The following KCNAB1 variants were observed in gnomAD, a reference collection of about 807,000 sequenced individuals.
The protein encoded by KCNAB1 is voltage-gated potassium channel subunit beta-1.
KCNAB1 carries 35 observed loss-of-function variants against 64.6 expected under a neutral mutation model. The ratio of observed to expected loss-of-function variants is 0.54; its 90% CI spans 0.41 to 0.72. KCNAB1 has a LOEUF of 0.72. KCNAB1 is among the 30% of genes least tolerant of loss of function. KCNAB1 has a pLI of 0.00. For missense variants in KCNAB1, 401 were observed against 512.9 expected (o/e 0.78, Z 2.11); for synonymous variants, 177 against 183.8 (o/e 0.96, Z 0.30).
intron 1 of KCNAB1, among the ~76,000 whole-genome samples, chr3:156,263,784 T>G (rs952555334): frequency 6.6e-6 from 1 of 152,138 alleles, no homozygotes; most frequent in Non-Finnish European, 1.5e-5. Context: ...GTAAATGATA[T>G]GTAAATAGTT....
chr3:156,437,503 G>A (rs1228543761), intron 2 of KCNAB1, among the ~76,000 whole-genome samples: 1 of 152,152 alleles, frequency 6.6e-6, no homozygotes, highest in Non-Finnish European at 1.5e-5. Flanking sequence ...CATGGCACCA[G>A]TGGGAGAAAT....
chr3:156,385,855 G>A (rs1333826095), intron 1 of KCNAB1, among the ~76,000 whole-genome samples: 1 of 152,002 alleles, frequency 6.6e-6, no homozygotes, highest in Non-Finnish European at 1.5e-5. Context: ...TCTGCAGATT[G>A]GATTTCAATT....
Position 156,249,024 on chromosome 3 carries a change from TTG to T in KCNAB1, c.275+128142_275+128143del, listed in dbSNP as rs202047577. Among the ~76,000 whole-genome samples the T allele has an allele frequency of 1.9e-3, 192 of 99,202 alleles. 1 individual carries two copies. The highest frequency in any genetic ancestry group is 8.5e-3 in the East Asian group (20 of 2,356). The allele number at this position is 99,202 out of a possible 152,430, so 65.1% of individuals were successfully genotyped here. A position where few individuals can be genotyped will look rare whatever the true frequency, so the allele number is the denominator to read the frequency against. On this transcript the variant is annotated intron_variant, in intron 1 of 13. Coordinates refer to ENST00000490337, the MANE Select transcript of KCNAB1 (RefSeq NM_172160.3). The stretch of plus-strand genomic sequence containing the variant: ...CTTGGAGATTTCGATAGAAATCTGG[TTG>T]TGTTTTTTTTTTTAATTTTTTAATT...
intron 1 of KCNAB1, among the ~76,000 whole-genome samples, chr3:156,343,559 T>C (rs1372593892): frequency 2.6e-5 from 4 of 152,190 alleles, no homozygotes; most frequent in Non-Finnish European, 4.4e-5. Context: ...CCTCCGCAGC[T>C]TGTGGGAGGG....
intron 1 of KCNAB1, among the ~76,000 whole-genome samples, chr3:156,126,641 T>G (rs1713671248): frequency 6.6e-6 from 1 of 152,214 alleles, no homozygotes; most frequent in South Asian, 2.1e-4. Context: ...CTTACTAGCC[T>G]GGAGGCTCTG....
intron 1 of KCNAB1, among the ~76,000 whole-genome samples, chr3:156,189,925 A>G (rs1412102471): frequency 6.6e-6 from 1 of 152,328 alleles, no homozygotes; most frequent in Middle Eastern, 3.4e-3. Flanking sequence ...TCTGATACCC[A>G]TGCTGAATTG....
At chr3:156,357,875 G>T (rs1049702112) in intron 1 of KCNAB1, among the ~76,000 whole-genome samples, 4 of 148,610 alleles carry the variant, frequency 2.7e-5, no homozygotes, top group Non-Finnish European at 5.9e-5. Flanking sequence ...CTGGTATTTT[G>T]TACCTAAGGA....
At chr3:156,401,191 A>G (rs779692132) in intron 1 of KCNAB1, among the ~76,000 whole-genome samples, 1 of 152,248 alleles carries the variant, frequency 6.6e-6, no homozygotes, top group African/African-American at 2.4e-5. Context: ...GTAAATAAAC[A>G]GCCTCAAACT....
chr3:156,480,061 A>G (rs1714677439), intron 8 of KCNAB1, among the ~76,000 whole-genome samples: 1 of 152,170 alleles, frequency 6.6e-6, no homozygotes, highest in Non-Finnish European at 1.5e-5. Context: ...TGACAGTTCC[A>G]AAATACTGGA....
chr3:156,487,612 T>G (rs139134542), intron 8 of KCNAB1, among the ~76,000 whole-genome samples: 1 of 152,272 alleles, frequency 6.6e-6, no homozygotes, highest in African/African-American at 2.4e-5. Flanking sequence ...AATTTGCTTA[T>G]TCAAGAAAAC....
intron 12 of KCNAB1, among the ~76,000 whole-genome samples, chr3:156,530,206 G>A (rs183083642): frequency 2.4e-4 from 37 of 152,310 alleles, no homozygotes; most frequent in Middle Eastern, 3.4e-3. Context: ...GATGGGGGCG[G>A]TGGGATCATG....
In KCNAB1 at chr3:156,285,166, AAAAT is replaced by A. The variant is rs563862258; in HGVS notation, c.276-136445_276-136442del. ...CACATTTTTAATATTAGTGATATAT[AAAAT>A]AAATGTGTACTCGGGTTGATATTAT... On this transcript the variant is annotated intron_variant, in intron 1 of 13. Coordinates refer to ENST00000490337, the MANE Select transcript of KCNAB1 (RefSeq NM_172160.3). Among the ~76,000 whole-genome samples, 669 of 152,358 alleles carry A rather than the reference AAAAT, an allele frequency of 4.4e-3. 1 individual carries two copies. Among genetic ancestry groups the A allele is most frequent in the Middle Eastern group, 0.01 (3 of 294 alleles).
At chr3:156,385,532 A>C (rs1712523869) in intron 1 of KCNAB1, among the ~76,000 whole-genome samples, 1 of 152,218 alleles carries the variant, frequency 6.6e-6, no homozygotes, top group Admixed American at 6.5e-5. Flanking sequence ...AGCATATTTA[A>C]AACATTATTT....
intron 2 of KCNAB1, among the ~76,000 whole-genome samples, chr3:156,431,459 C>T (rs1406513069): frequency 1.3e-5 from 2 of 152,178 alleles, no homozygotes; most frequent in African/African-American, 4.8e-5. Context: ...CTGTGCCTGC[C>T]TCTGGTATGC....
chr3:156,183,851 A>G (rs1713022972), intron 1 of KCNAB1, among the ~76,000 whole-genome samples: 2 of 152,340 alleles, frequency 1.3e-5, no homozygotes, highest in East Asian at 1.9e-4. Flanking sequence ...GTATAAGTAT[A>G]AATGCTCTGT....
chr3:156,459,720 A>G (rs1576894346), intron 4 of KCNAB1, 107 bp from the exon 5 acceptor site: 3 of 731,870 alleles, frequency 4.1e-6, no homozygotes, highest in Non-Finnish European at 6.8e-6. Context: ...TATTTTCGGG[A>G]TATGTAGGCA....
chr3:156,486,827 A>G (rs536795353), intron 8 of KCNAB1, among the ~76,000 whole-genome samples: 1 of 152,228 alleles, frequency 6.6e-6, no homozygotes, highest in East Asian at 1.9e-4. Context: ...AAAGAGTTTG[A>G]GTTTGAAGTT....
chr3:156,293,519 T>C (rs1216814966), intron 1 of KCNAB1, among the ~76,000 whole-genome samples: 4 of 152,200 alleles, frequency 2.6e-5, no homozygotes, highest in African/African-American at 9.7e-5. Context: ...TACAGGAAAG[T>C]TTCTCATTGC....
intron 1 of KCNAB1, among the ~76,000 whole-genome samples, chr3:156,315,415 C>T (rs1722210077): frequency 6.6e-6 from 1 of 152,192 alleles, no homozygotes; most frequent in African/African-American, 2.4e-5. Flanking sequence ...ATCTGTCCAC[C>T]ACTTCCACAA....
Sources: allele counts gnomAD v4.1 joint callset (sites outside exome capture counted in the v4.1 genomes callset), GRCh38; gene constraint gnomAD v4.1.1; transcripts MANE v1.5; gene names NCBI Gene and HGNC (gene_info 2026-07-23, HGNC 2026-07-21).